Variants in FRMPD4 observed in about 807,000 individuals in gnomAD.
FRMPD4 encodes the protein FERM and PDZ domain-containing protein 4.
In FRMPD4, 22 loss-of-function variants were observed where a neutral mutation model predicts 94.1. The observed-to-expected ratio is 0.23, with a 90% CI of 0.17 to 0.33. The LOEUF is 0.33. Ranked by LOEUF, FRMPD4 falls within the 10% of genes least tolerant of loss-of-function variation. The probability of loss-of-function intolerance (pLI) is 1.00; values close to 1 mark genes in which losing one functional copy is unlikely to be tolerated. For missense variants in FRMPD4, 1,111 were observed against 1,339.9 expected (o/e 0.83, Z 2.67); for synonymous variants, 631 against 548.6 (o/e 1.15, Z -2.10).
At chrX:12,470,617 C>CT (rs1218725598) in intron 1 of FRMPD4, among the ~76,000 whole-genome samples, 2 of 112,094 alleles carry the variant, frequency 1.8e-5, no homozygotes, top group East Asian at 2.8e-4. Context: ...CATAAACATG[C>CT]TTTAATTCTG....
intron 1 of FRMPD4, among the ~76,000 whole-genome samples, chrX:12,302,978 A>G (rs1158949629): frequency 8.9e-6 from 1 of 111,735 alleles, no homozygotes; most frequent in Admixed American, 9.5e-5. Context: ...ATTGCCAGTG[A>G]TACTGGCAAT....
intron 4 of FRMPD4, among the ~76,000 whole-genome samples, chrX:12,654,348 G>C (rs139994359): frequency 0.021 from 2,311 of 111,371 alleles, 63 homozygotes; most frequent in African/African-American, 0.073. Flanking sequence ...CTTATAGGTA[G>C]GTAGTGCTCA....
intron 2 of FRMPD4, among the ~76,000 whole-genome samples, chrX:11,877,168 G>A (rs148096547): frequency 3.6e-4 from 40 of 112,178 alleles, no homozygotes; most frequent in Non-Finnish European, 5.8e-4. Context: ...GCTTTTTCTC[G>A]CCAAGTTTAA....
chrX:12,131,434 A>G (rs370272760), intron 3 of FRMPD4, among the ~76,000 whole-genome samples: 27 of 111,937 alleles, frequency 2.4e-4, no homozygotes, highest in African/African-American at 8.8e-4. Flanking sequence ...CGAGAACAGG[A>G]CATGCACATT....
chrX:12,186,281 C>A (rs1161161455), intron 1 of FRMPD4, among the ~76,000 whole-genome samples: 1 of 111,717 alleles, frequency 9.0e-6, no homozygotes, highest in East Asian at 2.8e-4. Context: ...AAGGTTAATT[C>A]TTTCTACTGT....
chrX:12,555,538 CTT>C (rs1377306530), intron 2 of FRMPD4, among the ~76,000 whole-genome samples: 2 of 112,099 alleles, frequency 1.8e-5, no homozygotes, highest in Non-Finnish European at 3.8e-5. Context: ...AAGCATTCCT[CTT>C]GTCTAAAACT....
chrX:12,095,984 A>G (rs2055197575), intron 3 of FRMPD4, among the ~76,000 whole-genome samples: 2 of 111,667 alleles, frequency 1.8e-5, no homozygotes, highest in African/African-American at 3.3e-5. Context: ...CCTCTGTAAG[A>G]TTCATACCAT....
chrX:12,342,926 G>A (rs111981640), intron 1 of FRMPD4, among the ~76,000 whole-genome samples: 3,950 of 111,895 alleles, frequency 0.035, 178 homozygotes, highest in African/African-American at 0.12. Context: ...ACATCACATA[G>A]CCAGTAAGAG....
At chrX:12,096,003 A>T (rs1416045814) in intron 3 of FRMPD4, among the ~76,000 whole-genome samples, 2 of 111,544 alleles carry the variant, frequency 1.8e-5, no homozygotes, top group East Asian at 2.8e-4. Context: ...ATGACTGAAG[A>T]CCTGCCTTCT....
intron 2 of FRMPD4, among the ~76,000 whole-genome samples, chrX:12,515,690 A>G (rs1255757160): frequency 8.9e-6 from 1 of 112,041 alleles, no homozygotes; most frequent in Non-Finnish European, 1.9e-5. Context: ...AGTTCTGTAG[A>G]TATCTATTAG....
chrX:12,406,186 A>T (rs1324142041), intron 1 of FRMPD4, among the ~76,000 whole-genome samples: 12 of 110,853 alleles, frequency 1.1e-4, no homozygotes, highest in African/African-American at 3.6e-4. Flanking sequence ...TCCACCACGC[A>T]AAAGACTTAT....
intron 1 of FRMPD4, among the ~76,000 whole-genome samples, chrX:12,438,656 T>G (rs1447641343): frequency 2.7e-5 from 3 of 110,956 alleles, no homozygotes; most frequent in Non-Finnish European, 5.7e-5. Flanking sequence ...CATGTCACCT[T>G]GTAGGTGGTA....
chrX:11,901,507 G>A (rs186487294), intron 3 of FRMPD4, among the ~76,000 whole-genome samples: 1 of 112,202 alleles, frequency 8.9e-6, no homozygotes, highest in African/African-American at 3.2e-5. Flanking sequence ...TAGTTGAGGA[G>A]ACTTAGGTTG....
intron 3 of FRMPD4, among the ~76,000 whole-genome samples, chrX:12,080,935 G>A (rs1245154262): frequency 8.9e-6 from 1 of 112,271 alleles, no homozygotes; most frequent in African/African-American, 3.2e-5. Context: ...CTTAACTAGT[G>A]TGAATTATTT....
intron 3 of FRMPD4, among the ~76,000 whole-genome samples, chrX:11,887,750 CT>C (rs1033554437): frequency 8.9e-6 from 1 of 111,782 alleles, no homozygotes; most frequent in African/African-American, 3.3e-5. Flanking sequence ...AGTCCTTTGT[CT>C]CTCCGAGAAT....
chrX:12,561,278 CAT>C (rs1165426227), intron 2 of FRMPD4, among the ~76,000 whole-genome samples: 1 of 112,148 alleles, frequency 8.9e-6, no homozygotes, highest in Non-Finnish European at 1.9e-5. Context: ...AAAGTTAAAA[CAT>C]GTTTTCCCAT....
intron 3 of FRMPD4, among the ~76,000 whole-genome samples, chrX:11,891,430 C>T (rs935312615): frequency 8.9e-6 from 1 of 112,524 alleles, no homozygotes; most frequent in Non-Finnish European, 1.9e-5. Flanking sequence ...GGCAAGGACA[C>T]TCCTCTTCCT....
At chrX:12,115,179 G>A in intron 3 of FRMPD4, among the ~76,000 whole-genome samples, 1 of 111,921 alleles carries the variant, frequency 8.9e-6, no homozygotes. Flanking sequence ...AGGAAGCAAG[G>A]ATATGAAGTT....
At chrX:11,984,166 A>G (rs753593440) in intron 3 of FRMPD4, among the ~76,000 whole-genome samples, 15 of 112,395 alleles carry the variant, frequency 1.3e-4, no homozygotes, top group Non-Finnish European at 2.8e-4. Flanking sequence ...GGACTCTCCA[A>G]CGAAGTTTTC....
Sources: gnomAD v4.1 joint callset for allele counts (sites outside exome capture counted in the v4.1 genomes callset) on GRCh38, gnomAD v4.1.1 for gene constraint, MANE v1.5 for transcripts, NCBI Gene and HGNC (gene_info 2026-07-23, HGNC 2026-07-21) for gene names.